Variants in CDC42SE2 observed in about 807,000 individuals in gnomAD.
CDC42SE2 encodes CDC42 small effector 2, also known as CDC42 small effector protein 2.
Under a neutral mutation model 11.5 loss-of-function variants are expected in CDC42SE2, and 3 were observed. That is an observed-to-expected ratio of 0.26 (90% CI 0.12 to 0.67). The LOEUF (loss-of-function observed/expected upper bound fraction) is 0.67. Among genes scored for constraint, CDC42SE2 ranks in the 30% least tolerant of loss-of-function variants. The pLI is 0.80. For missense variants in CDC42SE2, 82 were observed against 106.8 expected, an observed-to-expected ratio of 0.77 and a Z score of 1.02; for synonymous variants, 33 against 34.8, an observed-to-expected ratio of 0.95 and a Z score of 0.18.
At chr5:131,329,612 C>T (rs1031094103) in intron 2 of CDC42SE2, among the ~76,000 whole-genome samples, 9 of 151,966 alleles carry the variant, frequency 5.9e-5, no homozygotes, top group Non-Finnish European at 1.0e-4. Context: ...GGCGCGGTAG[C>T]TCACACCTGT....
intron 2 of CDC42SE2, among the ~76,000 whole-genome samples, chr5:131,257,015 T>G (rs1756684183): frequency 6.6e-6 from 1 of 152,138 alleles, no homozygotes; most frequent in African/African-American, 2.4e-5. Context: ...TAGCAATCTG[T>G]CCATCACAGT....
At chr5:131,252,001 C>T (rs1756642587) in intron 1 of CDC42SE2, among the ~76,000 whole-genome samples, 2 of 148,142 alleles carry the variant, frequency 1.4e-5, no homozygotes. Context: ...AGCAACAGAG[C>T]AAGACCCTGT....
intron 4 of CDC42SE2, among the ~76,000 whole-genome samples, chr5:131,390,045 A>G (rs188379593): frequency 4.6e-4 from 70 of 152,334 alleles, no homozygotes; most frequent in Non-Finnish European, 3.4e-4. Flanking sequence ...CAATTTTCAT[A>G]TATCTTGCAC....
At chr5:131,386,674 C>T (rs866424935) in intron 4 of CDC42SE2, among the ~76,000 whole-genome samples, 12 of 152,262 alleles carry the variant, frequency 7.9e-5, no homozygotes, top group South Asian at 4.1e-4. Flanking sequence ...GCACCAAATG[C>T]GGGTTCTTAT....
intron 3 of CDC42SE2, among the ~76,000 whole-genome samples, chr5:131,366,176 A>T (rs1749851866): frequency 1.3e-5 from 2 of 152,186 alleles, no homozygotes; most frequent in Non-Finnish European, 2.9e-5. Flanking sequence ...TCACTTTGTA[A>T]TGTAGTGGAT....
At chr5:131,238,012 T>A in the CDC42SE2 span, among the ~76,000 whole-genome samples, 2 of 69,530 alleles carry the variant, frequency 2.9e-5, no homozygotes, top group African/African-American at 1.2e-4. Context: ...CTGTCTTGCA[T>A]TCTTACTACT....
the CDC42SE2 span, among the ~76,000 whole-genome samples, chr5:131,220,795 T>C: frequency 6.6e-6 from 1 of 152,152 alleles, no homozygotes; most frequent in Admixed American, 6.5e-5. Context: ...TGCGTGTGTC[T>C]ATGCACATTT....
intron 1 of CDC42SE2, among the ~76,000 whole-genome samples, chr5:131,270,084 A>G (rs866546340): frequency 1.3e-5 from 2 of 151,022 alleles, no homozygotes; most frequent in Non-Finnish European, 1.5e-5. Flanking sequence ...CAAACAAAAA[A>G]AAACAACTGG....
chr5:131,380,003 C>T (rs1442486515), intron 3 of CDC42SE2, among the ~76,000 whole-genome samples: 2 of 150,552 alleles, frequency 1.3e-5, no homozygotes, highest in Admixed American at 6.6e-5. Flanking sequence ...AACCTCTCCC[C>T]GCCAACCCCC....
At chr5:131,252,017 A>C (rs956011807) in intron 1 of CDC42SE2, among the ~76,000 whole-genome samples, 14 of 151,474 alleles carry the variant, frequency 9.2e-5, no homozygotes, top group Non-Finnish European at 7.4e-5. Flanking sequence ...CCTGTCTCAA[A>C]AAAGTAAGAA....
At chr5:131,238,619 AT>A in the CDC42SE2 span, among the ~76,000 whole-genome samples, 6 of 152,172 alleles carry the variant, frequency 3.9e-5, no homozygotes, top group East Asian at 1.9e-4. Flanking sequence ...AAGTAAAAAA[AT>A]AATAATAAAA....
rs539116744 is a variant in CDC42SE2, at chr5:131,394,613, T to G, written c.*3522T>G. Reference sequence around the variant, plus strand: ...TGAATAAAATGAGTTCTGTGTTGGCTTGTAGATACTAAAAAGAAAGTATTG... The same window carrying G: ...TGAATAAAATGAGTTCTGTGTTGGCGTGTAGATACTAAAAAGAAAGTATTG... On this transcript the variant is annotated 3_prime_UTR_variant, in exon 5 of 5. Coordinates refer to ENST00000505065, the MANE Select transcript of CDC42SE2 (RefSeq NM_001375635.1). 3 of 152,482 alleles carry G rather than the reference T, an allele frequency of 2.0e-5. No homozygotes were observed. In the East Asian group the frequency reaches 5.7e-4, roughly 29 times the overall value. The allele number at this position is 152,482 out of a possible 1,614,324, so 9.4% of individuals were successfully genotyped here. A position where few individuals can be genotyped will look rare whatever the true frequency, so the allele number is the denominator to read the frequency against.
intron 4 of CDC42SE2, among the ~76,000 whole-genome samples, chr5:131,389,356 A>G (rs1750582952): frequency 1.3e-5 from 2 of 152,216 alleles, no homozygotes; most frequent in African/African-American, 4.8e-5. Flanking sequence ...AAACAAAAAT[A>G]TAGATTTCTT....
In CDC42SE2 at chr5:131,359,534, A is replaced by G. The variant is rs1749648232; in HGVS notation, c.41A>G (p.Glu14Gly). 1.9e-6 allele frequency: 3 copies of G among 1,612,600 alleles called. No individual in the cohort carries two copies. In the South Asian group the frequency reaches 3.3e-5, roughly 18 times the overall value. The change falls in exon 3 of 5, where the codon GAA becomes GGA. Residue 14 changes from glutamate to glycine, a missense_variant. Physicochemically the swap from Glu to Gly is moderately conservative, Grantham distance 98. Coordinates refer to ENST00000505065, the MANE Select transcript of CDC42SE2 (RefSeq NM_001375635.1). ...FWLCFNCCIA[E>G]QPQPKRRRRI... ...TTGTGTTTCAACTGCTGTATTGCAG[A>G]ACAGCCTCAGCCTGTAAGTATGAAG...
At chr5:131,371,564 C>T (rs915313245) in intron 3 of CDC42SE2, among the ~76,000 whole-genome samples, 16 of 152,030 alleles carry the variant, frequency 1.1e-4, no homozygotes, top group African/African-American at 3.9e-4. Context: ...AATTTTCATC[C>T]AATCTTAATT....
chr5:131,360,614 T>C (rs1314634891), intron 3 of CDC42SE2, among the ~76,000 whole-genome samples: 1 of 152,226 alleles, frequency 6.6e-6, no homozygotes, highest in Admixed American at 6.5e-5. Context: ...TATTTATGGG[T>C]CTTCACCATG....
chr5:131,354,628 T>C (rs1173159501), intron 2 of CDC42SE2: 1 of 152,228 alleles, frequency 6.6e-6, no homozygotes, highest in Non-Finnish European at 1.5e-5. Context: ...TCACCTTTTT[T>C]CATTTTCTTC....
At chr5:131,387,623 C>T (rs533329360) in intron 4 of CDC42SE2, among the ~76,000 whole-genome samples, 30 of 152,244 alleles carry the variant, frequency 2.0e-4, no homozygotes, top group African/African-American at 7.0e-4. Flanking sequence ...ATGTACATTT[C>T]GGAATTTCCT....
intron 1 of CDC42SE2, among the ~76,000 whole-genome samples, chr5:131,264,865 A>G (rs1232644875): frequency 6.6e-6 from 1 of 152,246 alleles, no homozygotes; most frequent in African/African-American, 2.4e-5. Context: ...TGTGTAAGAA[A>G]CAACATTGGG....
Sources: allele counts gnomAD v4.1 joint callset (sites outside exome capture counted in the v4.1 genomes callset), GRCh38; gene constraint gnomAD v4.1.1; transcripts MANE v1.5; gene names NCBI Gene and HGNC (gene_info 2026-07-23, HGNC 2026-07-21).